The following CLDN16 variants were observed in gnomAD, a reference collection of about 807,000 sequenced individuals.
CLDN16 encodes claudin 16.
Under a neutral mutation model 24.6 loss-of-function variants are expected in CLDN16, and 13 were observed. That is an observed-to-expected ratio of 0.53 (90% CI 0.34 to 0.84). The LOEUF is 0.84. Ranked by LOEUF, CLDN16 falls within the 40% of genes least tolerant of loss-of-function variation. The pLI is 0.01. For synonymous variants in CLDN16, 116 were observed against 106.7 expected (o/e 1.09, Z -0.54); for missense variants, 298 against 292.7 (o/e 1.02, Z -0.13).
At chr3:190,393,117 G>A (rs1718721593) in intron 1 of CLDN16, among the ~76,000 whole-genome samples, 1 of 152,164 alleles carries the variant, frequency 6.6e-6, no homozygotes, top group Admixed American at 6.5e-5. Flanking sequence ...ACTGCATGTG[G>A]GGAAGTAGGT....
At chr3:190,295,500 A>G in the CLDN16 span, among the ~76,000 whole-genome samples, 3 of 152,188 alleles carry the variant, frequency 2.0e-5, no homozygotes, top group African/African-American at 7.2e-5. Flanking sequence ...ATTAAACAGC[A>G]TAGGAAACTT....
chr3:190,357,462 A>G (rs1308123068), intron 1 of CLDN16, among the ~76,000 whole-genome samples: 1 of 151,616 alleles, frequency 6.6e-6, no homozygotes, highest in Non-Finnish European at 1.5e-5. Context: ...ACCTTTGTTC[A>G]TTTTCCTTTC....
chr3:190,390,830 G>A (rs575299596), intron 1 of CLDN16, among the ~76,000 whole-genome samples: 2 of 152,170 alleles, frequency 1.3e-5, no homozygotes, highest in Non-Finnish European at 2.9e-5. Flanking sequence ...CTGTCACCCA[G>A]GATAGAGTGT....
chr3:190,322,530 G>GAT, upstream of CLDN16: 1 of 335,394 alleles, frequency 3.0e-6, no homozygotes. Context: ...GCGGTTTCAG[G>GAT]GCGGCTCACC....
chr3:190,320,959 T>C (rs1716900975), upstream of CLDN16, among the ~76,000 whole-genome samples: 1 of 146,024 alleles, frequency 6.8e-6, no homozygotes, highest in African/African-American at 2.6e-5. Context: ...AAACCTTTAA[T>C]TTAAAAAACA....
At chr3:190,314,604 A>G in the CLDN16 span, among the ~76,000 whole-genome samples, 2 of 150,764 alleles carry the variant, frequency 1.3e-5, no homozygotes, top group African/African-American at 4.9e-5. Context: ...GGGTTTCACC[A>G]TGTTGCCCAG....
intron 4 of CLDN16, 86 bp downstream of exon 4, chr3:190,408,591 AT>A (rs1374107692): frequency 8.5e-6 from 11 of 1,287,890 alleles, no homozygotes; most frequent in Non-Finnish European, 1.2e-5. Flanking sequence ...AAGGAAAAAA[AT>A]GTTATTTATT....
chr3:190,295,674 T>G, the CLDN16 span, among the ~76,000 whole-genome samples: 1 of 152,206 alleles, frequency 6.6e-6, no homozygotes, highest in African/African-American at 2.4e-5. Context: ...CCGTTGTTTT[T>G]ATGAGTTTGG....
chr3:190,364,300 T>C (rs1473451009), intron 1 of CLDN16, among the ~76,000 whole-genome samples: 1 of 151,922 alleles, frequency 6.6e-6, no homozygotes, highest in Non-Finnish European at 1.5e-5. Context: ...TGCAGTGGTG[T>C]ATGGCTTGGG....
intron 1 of CLDN16, among the ~76,000 whole-genome samples, chr3:190,359,985 C>A (rs1362671404): frequency 1.3e-5 from 2 of 151,948 alleles, no homozygotes; most frequent in African/African-American, 4.8e-5. Flanking sequence ...CTGGCTAGGG[C>A]TGGAATTCTT....
At chr3:190,385,285 C>T (rs1033640318), upstream of CLDN16, among the ~76,000 whole-genome samples, 2 of 152,072 alleles carry the variant, frequency 1.3e-5, no homozygotes, top group African/African-American at 4.8e-5. Context: ...GCATCTGTGC[C>T]CTCCATCCTC....
chr3:190,364,268 G>A (rs1188889369), intron 1 of CLDN16, among the ~76,000 whole-genome samples: 1 of 151,786 alleles, frequency 6.6e-6, no homozygotes, highest in East Asian at 1.9e-4. Context: ...ATATAGTTTG[G>A]TTGAGGGAGA....
rs150442735 is a variant in CLDN16 at position 190,345,693 on chromosome 3, A to T, written n.121+23032A>T. On this transcript the variant is annotated intron_variant and non_coding_transcript_variant, in intron 1 of 4. Coordinates refer to the CLDN16 transcript ENST00000468220. ...GTGTTCAGCTTTGTTTAAATGCTTTACCTCACTGGGCTTCCAGTTATTCAT... is the reference window on the plus strand; with the variant it reads ...GTGTTCAGCTTTGTTTAAATGCTTTTCCTCACTGGGCTTCCAGTTATTCAT... 2.6e-4 allele frequency among the ~76,000 whole-genome samples: 40 copies of T among 152,270 alleles called. No homozygotes were observed. The East Asian group carries it at 7.5e-3, about 29-fold the overall frequency.
chr3:190,331,573 T>G (rs887384901), intron 1 of CLDN16, among the ~76,000 whole-genome samples: 2 of 152,222 alleles, frequency 1.3e-5, no homozygotes, highest in Non-Finnish European at 2.9e-5. Flanking sequence ...AACTACATAC[T>G]GGCAATGCAG....
chr3:190,375,024 A>G (rs1718218495), intron 3 of CLDN16, among the ~76,000 whole-genome samples: 1 of 151,958 alleles, frequency 6.6e-6, no homozygotes, highest in African/African-American at 2.4e-5. Flanking sequence ...AGAGGCATAT[A>G]CTTATAAAAC....
intron 1 of CLDN16, among the ~76,000 whole-genome samples, chr3:190,351,820 A>T (rs1025567793): frequency 5.3e-5 from 8 of 152,128 alleles, no homozygotes; most frequent in African/African-American, 1.9e-4. Flanking sequence ...TTTATCTATT[A>T]GCATTCTAAA....
Position 190,334,256 on chromosome 3 carries a change from CAGA to C in CLDN16, n.121+11598_121+11600del, listed in dbSNP as rs1461385823. On this transcript the variant is annotated intron_variant and non_coding_transcript_variant, in intron 1 of 4. Coordinates refer to the CLDN16 transcript ENST00000468220. ...AATGAGGGAAGTTGTAGTGGGCTAG[CAGA>C]AGGATGTACTCAGATTAGGGAGAGC... Among the ~76,000 whole-genome samples, 6 of 152,000 alleles carry C rather than the reference CAGA, an allele frequency of 3.9e-5. No homozygotes were observed. The East Asian group carries it at 1.2e-3, about 29-fold the overall frequency.
At chr3:190,391,253 A>G (rs1718657619) in intron 1 of CLDN16, among the ~76,000 whole-genome samples, 1 of 139,600 alleles carries the variant, frequency 7.2e-6, no homozygotes, top group African/African-American at 2.7e-5. Context: ...TTGGCACGGG[A>G]TTTAGAAGAA....
intron 3 of CLDN16, among the ~76,000 whole-genome samples, chr3:190,380,818 T>G (rs1718355701): frequency 6.6e-6 from 1 of 151,968 alleles, no homozygotes; most frequent in African/African-American, 2.4e-5. Flanking sequence ...AGTAAAATTT[T>G]TAGTTGTGTA....
Sources: allele counts gnomAD v4.1 joint callset (sites outside exome capture counted in the v4.1 genomes callset), GRCh38; gene constraint gnomAD v4.1.1; transcripts MANE v1.5; gene names NCBI Gene and HGNC (gene_info 2026-07-23, HGNC 2026-07-21).